PALM2AKAP2: variants seen among roughly 807,000 people sequenced by gnomAD.
PALM2AKAP2 encodes PALM2 and AKAP2 fusion.
Under a neutral mutation model 71.5 loss-of-function variants are expected in PALM2AKAP2, and 37 were observed. That is an observed-to-expected ratio of 0.52 (90% CI 0.40 to 0.68). The LOEUF is 0.68. Ranked by LOEUF, PALM2AKAP2 falls within the 30% of genes least tolerant of loss-of-function variation. PALM2AKAP2 has a pLI of 0.00. For synonymous variants in PALM2AKAP2, 468 were observed against 478.8 expected, an observed-to-expected ratio of 0.98 and a Z score of 0.29; for missense variants, 1,224 against 1,191.8, an observed-to-expected ratio of 1.03 and a Z score of -0.40.
intron 1 of PALM2AKAP2, among the ~76,000 whole-genome samples, chr9:109,754,927 C>A (rs1426393834): frequency 6.6e-6 from 1 of 152,098 alleles, no homozygotes; most frequent in Non-Finnish European, 1.5e-5. Flanking sequence ...CACTATCCAA[C>A]CAGTTGCACA....
At chr9:110,010,996 C>CAAAAAAAAA (rs754903953) in intron 6 of PALM2AKAP2, among the ~76,000 whole-genome samples, 2 of 54,298 alleles carry the variant, frequency 3.7e-5, no homozygotes, top group Admixed American at 3.0e-4. Context: ...AACTCTGTCT[C>CAAAAAAAAA]AAAAAAAAAA....
intron 1 of PALM2AKAP2, chr9:109,866,914 C>G (rs1228195050): frequency 9.8e-6 from 4 of 406,566 alleles, no homozygotes; most frequent in African/African-American, 2.1e-5. Context: ...AAATGCTACC[C>G]CAAGGCTAGT....
chr9:109,969,664 G>A (rs1832027650), intron 6 of PALM2AKAP2, among the ~76,000 whole-genome samples: 1 of 152,164 alleles, frequency 6.6e-6, no homozygotes, highest in Non-Finnish European at 1.5e-5. Context: ...CCCCTTCAGG[G>A]CTGAAGTCTG....
intron 1 of PALM2AKAP2, among the ~76,000 whole-genome samples, chr9:110,100,699 G>C (rs761765321): frequency 1.3e-5 from 2 of 152,180 alleles, no homozygotes; most frequent in East Asian, 3.8e-4. Flanking sequence ...TTGCATCAGG[G>C]GGATTGTGTT....
intron 3 of PALM2AKAP2, among the ~76,000 whole-genome samples, chr9:109,900,479 C>T (rs1337306339): frequency 6.6e-6 from 1 of 152,194 alleles, no homozygotes; most frequent in Non-Finnish European, 1.5e-5. Context: ...TCATACTTGT[C>T]CTCAAGATAG....
At chr9:109,711,368 C>G (rs901289931) in intron 1 of PALM2AKAP2, among the ~76,000 whole-genome samples, 1 of 152,008 alleles carries the variant, frequency 6.6e-6, no homozygotes, top group Non-Finnish European at 1.5e-5. Context: ...TTCATAAAAC[C>G]CTCATGAATC....
At chr9:110,137,366 G>C in exon 2 of PALM2AKAP2, 1 of 1,614,110 alleles carries the variant, frequency 6.2e-7, no homozygotes, top group Non-Finnish European at 8.5e-7. Flanking sequence ...ACCTTCTGTC[G>C]GGGGACCTCC....
intron 6 of PALM2AKAP2, among the ~76,000 whole-genome samples, chr9:109,989,293 A>T (rs1467706706): frequency 6.6e-6 from 1 of 152,172 alleles, no homozygotes; most frequent in Non-Finnish European, 1.5e-5. Flanking sequence ...GTCTTGCCCA[A>T]CAATGAATGG....
intron 3 of PALM2AKAP2, among the ~76,000 whole-genome samples, chr9:109,920,416 G>A (rs1478893122): frequency 6.7e-6 from 1 of 149,998 alleles, no homozygotes; most frequent in Non-Finnish European, 1.5e-5. Flanking sequence ...CTGTTGCCCA[G>A]GCTGAAGTGC....
chr9:110,169,527 G>A (rs1298717222), exon 4 of PALM2AKAP2: 2 of 151,882 alleles, frequency 1.3e-5, no homozygotes, highest in Non-Finnish European at 2.9e-5. Flanking sequence ...GAAGAATGAT[G>A]GATTCCTTTT....
intron 1 of PALM2AKAP2, among the ~76,000 whole-genome samples, chr9:109,774,916 C>T (rs921521512): frequency 2.0e-5 from 3 of 152,220 alleles, no homozygotes; most frequent in African/African-American, 7.2e-5. Context: ...CCTCCTACTT[C>T]CTAATCCTAC....
At chr9:110,063,215 T>C (rs1048352052) in intron 1 of PALM2AKAP2, among the ~76,000 whole-genome samples, 1 of 152,188 alleles carries the variant, frequency 6.6e-6, no homozygotes, top group African/African-American at 2.4e-5. Flanking sequence ...CTCCCAGGCA[T>C]GTTCTTAACT....
At chr9:109,870,751 G>T (rs142692444) in intron 2 of PALM2AKAP2, among the ~76,000 whole-genome samples, 54 of 152,294 alleles carry the variant, frequency 3.5e-4, no homozygotes, top group African/African-American at 1.2e-3. Context: ...TGAGATGCCA[G>T]TTACCATCAT....
At chr9:110,094,591 A>G (rs1834790680) in intron 1 of PALM2AKAP2, among the ~76,000 whole-genome samples, 1 of 138,388 alleles carries the variant, frequency 7.2e-6, no homozygotes. Context: ...GCAGGAAGAA[A>G]GGGAGTGGGG....
chr9:110,064,807 C>T (rs1289266889), intron 1 of PALM2AKAP2, among the ~76,000 whole-genome samples: 1 of 152,262 alleles, frequency 6.6e-6, no homozygotes. Flanking sequence ...ACCTCGGTGG[C>T]CCCGTGATAA....
At chr9:110,146,474 A>G (rs1836174226) in intron 2 of PALM2AKAP2, among the ~76,000 whole-genome samples, 1 of 152,162 alleles carries the variant, frequency 6.6e-6, no homozygotes. Context: ...CAAGTTAGTT[A>G]GGGGAGCATC....
At chr9:109,841,921 GAAGGGTAGA>G (rs1828702767) in intron 1 of PALM2AKAP2, among the ~76,000 whole-genome samples, 1 of 123,474 alleles carries the variant, frequency 8.1e-6, no homozygotes. Flanking sequence ...GGGGAGGGTG[GAAGGGTAGA>G]GGGGAGGGTG....
chr9:109,856,514 A>T (rs1415835536), intron 1 of PALM2AKAP2, among the ~76,000 whole-genome samples: 2 of 152,240 alleles, frequency 1.3e-5, no homozygotes. Context: ...TTCCTGTAGG[A>T]TGCATAAAGG....
rs531760793 is a variant in PALM2AKAP2, at chr9:109,997,005, G to A, written c.497-18949G>A. On this transcript the variant is annotated intron_variant, in intron 6 of 9. Transcript: ENST00000302798. ...GGAGTTCAAGACCAGCCTGGCGAACGTGGTGAGACCCCATCTCTACTAAAA... is the reference window on the plus strand; with the variant it reads ...GGAGTTCAAGACCAGCCTGGCGAACATGGTGAGACCCCATCTCTACTAAAA... Among the ~76,000 whole-genome samples, 13 of 152,178 alleles carry A rather than the reference G, an allele frequency of 8.5e-5. No individual in the cohort carries two copies. In the East Asian group the frequency reaches 2.1e-3, roughly 25 times the overall value.
Sources: gnomAD v4.1 joint callset for allele counts (sites outside exome capture counted in the v4.1 genomes callset) on GRCh38, gnomAD v4.1.1 for gene constraint, MANE v1.5 for transcripts, NCBI Gene and HGNC (gene_info 2026-07-23, HGNC 2026-07-21) for gene names.